IL1RAPL1: variants seen among roughly 807,000 people sequenced by gnomAD.
IL1RAPL1 encodes the protein interleukin-1 receptor accessory protein-like 1.
In IL1RAPL1, 3 loss-of-function variants were observed where a neutral mutation model predicts 48.4. That is an observed-to-expected ratio of 0.06 (90% CI 0.03 to 0.16). IL1RAPL1 has a LOEUF of 0.16. Among genes scored for constraint, IL1RAPL1 ranks in the 10% least tolerant of loss-of-function variants. The pLI is 1.00. For missense variants in IL1RAPL1, 349 were observed against 530.6 expected, an observed-to-expected ratio of 0.66 and a Z score of 3.36; for synonymous variants, 185 against 187.7, an observed-to-expected ratio of 0.99 and a Z score of 0.12.
chrX:29,416,871 C>G (rs746671333), intron 5 of IL1RAPL1, among the ~76,000 whole-genome samples: 40 of 111,037 alleles, frequency 3.6e-4, no homozygotes, highest in South Asian at 2.6e-3. Flanking sequence ...CAGGCATAGA[C>G]AAATTGGAGG....
At chrX:29,371,963 G>A (rs770872066) in intron 3 of IL1RAPL1, among the ~76,000 whole-genome samples, 2 of 112,093 alleles carry the variant, frequency 1.8e-5, no homozygotes, top group African/African-American at 6.5e-5. Flanking sequence ...ACCAAATAAT[G>A]GGATTGCTGG....
chrX:28,794,574 C>G (rs901480360), intron 2 of IL1RAPL1, among the ~76,000 whole-genome samples: 1 of 111,391 alleles, frequency 9.0e-6, no homozygotes, highest in African/African-American at 3.3e-5. Flanking sequence ...CTAAAGCATC[C>G]AGCTATTAGA....
chrX:29,752,924 A>G (rs1442775334), intron 6 of IL1RAPL1, among the ~76,000 whole-genome samples: 4 of 112,213 alleles, frequency 3.6e-5, no homozygotes, highest in African/African-American at 9.7e-5. Context: ...AAAACTATCA[A>G]TGTGTCCAAT....
chrX:29,851,936 G>A (rs1307137650), intron 6 of IL1RAPL1, among the ~76,000 whole-genome samples: 2 of 112,966 alleles, frequency 1.8e-5, no homozygotes, highest in African/African-American at 6.4e-5. Flanking sequence ...GCAGCAATCA[G>A]AATAGCAAGT....
intron 2 of IL1RAPL1, among the ~76,000 whole-genome samples, chrX:29,085,056 A>G (rs990414502): frequency 1.8e-5 from 2 of 112,167 alleles, no homozygotes; most frequent in African/African-American, 3.2e-5. Flanking sequence ...ACATATGTAA[A>G]TAAGGACTCT....
chrX:29,735,147 C>A (rs1427799627), intron 6 of IL1RAPL1, among the ~76,000 whole-genome samples: 1 of 111,762 alleles, frequency 8.9e-6, no homozygotes, highest in South Asian at 3.8e-4. Context: ...TTTCTGGAGG[C>A]TCCAGGGGAG....
chrX:29,396,201 G>T, intron 3 of IL1RAPL1, 57 bp from the exon 4 acceptor site: 3 of 987,566 alleles, frequency 3.0e-6, no homozygotes, highest in Non-Finnish European at 4.3e-6. Flanking sequence ...ACACTGCCTT[G>T]GCAGCACTTG....
intron 2 of IL1RAPL1, among the ~76,000 whole-genome samples, chrX:28,996,317 C>A (rs114813418): frequency 0.014 from 1,593 of 111,703 alleles, 37 homozygotes; most frequent in African/African-American, 0.049. Flanking sequence ...TTCCACACAT[C>A]GTCCATTATA....
At chrX:28,674,127 A>G (rs777318123) in intron 1 of IL1RAPL1, among the ~76,000 whole-genome samples, 6 of 111,937 alleles carry the variant, frequency 5.4e-5, no homozygotes, top group African/African-American at 1.6e-4. Flanking sequence ...TAAAAATTGT[A>G]TTGACTTCTC....
intron 1 of IL1RAPL1, among the ~76,000 whole-genome samples, chrX:28,778,985 G>A (rs747071254): frequency 9.4e-4 from 105 of 111,715 alleles, no homozygotes; most frequent in Non-Finnish European, 1.6e-3. Context: ...TACAGATGAA[G>A]AAAATGAGAT....
Position 29,047,687 on chromosome X carries a change from A to G in IL1RAPL1, c.83-235251A>G, listed in dbSNP as rs113972550. 6.3e-3 allele frequency among the ~76,000 whole-genome samples: 691 copies of G among 109,243 alleles called. 9 individuals carry two copies. The highest frequency in any genetic ancestry group is 0.022 in the African/African-American group (657 of 29,957). 94.9% of individuals were successfully genotyped at this position (109,243 alleles called of 115,157 possible). On this transcript the variant is annotated intron_variant, in intron 2 of 10. Transcript: ENST00000378993. ...TGACCACAGAGCCCAAGTAATGTTT[A>G]ATGGAGGCATACATCTTTAACCATT...
chrX:29,230,504 C>CAAAAAAAAAAAAAAAAAAAAAAAAA (rs60539139), intron 2 of IL1RAPL1, among the ~76,000 whole-genome samples: 4 of 16,589 alleles, frequency 2.4e-4, no homozygotes, highest in East Asian at 2.5e-3. Flanking sequence ...GTCCCTTTAC[C>CAAAAAAAAAAAAAAAAAAAAAAAAA]AAAAAAAAAA....
chrX:28,604,854 T>C (rs1934066394), intron 1 of IL1RAPL1, among the ~76,000 whole-genome samples: 1 of 111,578 alleles, frequency 9.0e-6, no homozygotes, highest in South Asian at 3.8e-4. Context: ...GAATATTCTT[T>C]AGTTTTCTCC....
At chrX:29,649,652 A>G (rs1031355215) in intron 5 of IL1RAPL1, among the ~76,000 whole-genome samples, 2 of 111,879 alleles carry the variant, frequency 1.8e-5, no homozygotes. Context: ...AGCTAACATC[A>G]TGCTGAATGG....
In IL1RAPL1 at chrX:28,613,253, C is replaced by A. The variant is rs139507998; in HGVS notation, c.-25+25206C>A. Among the ~76,000 whole-genome samples the A allele has an allele frequency of 4.5e-3, 510 of 112,448 alleles. 3 individuals are homozygous for A. Among genetic ancestry groups the A allele is most frequent in the African/African-American group, 0.015 (469 of 31,049 alleles). ...GGCTGAGCTGGAATTAGCAAATAGT[C>A]CTGGTCCTCTTGACTTTGGGCCCTG... On this transcript the variant is annotated intron_variant, in intron 1 of 10. Transcript: ENST00000378993.
chrX:29,525,009 T>C (rs1470447360), intron 5 of IL1RAPL1, among the ~76,000 whole-genome samples: 1 of 112,247 alleles, frequency 8.9e-6, no homozygotes, highest in Non-Finnish European at 1.9e-5. Flanking sequence ...CAAATGACAT[T>C]ATTGCTTTTA....
chrX:29,844,119 T>G (rs1428273336), intron 6 of IL1RAPL1, among the ~76,000 whole-genome samples: 5 of 111,902 alleles, frequency 4.5e-5, no homozygotes, highest in Non-Finnish European at 9.4e-5. Flanking sequence ...TCAATCAGAT[T>G]TTGACCATGT....
chrX:28,912,457 G>A lies in IL1RAPL1; in HGVS notation c.82+123032G>A, dbSNP rs531418855. Among the ~76,000 whole-genome samples, 18 of 110,663 alleles carry A rather than the reference G, an allele frequency of 1.6e-4. No individual in the cohort carries two copies. In the South Asian group the frequency reaches 6.5e-3, roughly 40 times the overall value. On this transcript the variant is annotated intron_variant, in intron 2 of 10. Coordinates refer to ENST00000378993, the MANE Select transcript of IL1RAPL1 (RefSeq NM_014271.4). Reference sequence around the variant, plus strand: ...GCTGGCTCCATTATGCCATTTTTGAGAGGATAAGATGTTAAATTAAGATAG... The same window carrying A: ...GCTGGCTCCATTATGCCATTTTTGAAAGGATAAGATGTTAAATTAAGATAG...
At chrX:29,538,789 G>C (rs1325979076) in intron 5 of IL1RAPL1, among the ~76,000 whole-genome samples, 1 of 110,864 alleles carries the variant, frequency 9.0e-6, no homozygotes, top group Non-Finnish European at 1.9e-5. Context: ...TTAACTAATA[G>C]AACTTCAACA....
Sources: gnomAD v4.1 joint callset for allele counts (sites outside exome capture counted in the v4.1 genomes callset) on GRCh38, gnomAD v4.1.1 for gene constraint, MANE v1.5 for transcripts, NCBI Gene and HGNC (gene_info 2026-07-23, HGNC 2026-07-21) for gene names.